Variants in NRTN observed in about 807,000 individuals in gnomAD.
NRTN encodes prepro-neurturin.
Under a neutral mutation model 7.5 loss-of-function variants are expected in NRTN, and 3 were observed. The ratio of observed to expected loss-of-function variants is 0.40; its 90% CI spans 0.18 to 1.03. The LOEUF is 1.03. NRTN is among the 50% of genes least tolerant of loss of function. The pLI, the probability that NRTN is intolerant of heterozygous loss-of-function variation, is 0.34. For synonymous variants in NRTN, 157 were observed against 146.6 expected, an observed-to-expected ratio of 1.07 and a Z score of -0.51; for missense variants, 310 against 307.0, an observed-to-expected ratio of 1.01 and a Z score of -0.07.
rs2056971092 is a variant in NRTN, at chr19:5,805,147, GC to G, written c.-702del. Among the ~76,000 whole-genome samples the G allele has an allele frequency of 6.8e-6, 1 of 146,528 alleles. No individual in the cohort carries two copies. Among genetic ancestry groups the G allele is most frequent in the Non-Finnish European group, 1.5e-5 (1 of 65,890 alleles). ...CCGCCGCCCCGGAGCCCCGTGCTGC[GC>G]GCCGAGGCCGCCTGCGCCGTCCGTG... On this transcript the variant is annotated 5_prime_UTR_variant, in exon 1 of 3. Coordinates refer to ENST00000303212, the MANE Select transcript of NRTN (RefSeq NM_004558.5).
At chr19:5,822,743 G>C (rs1219732427) in intron 1 of NRTN, among the ~76,000 whole-genome samples, 1 of 152,228 alleles carries the variant, frequency 6.6e-6, no homozygotes, top group African/African-American at 2.4e-5. Context: ...ACTCACGCCT[G>C]TAATCCCAGC....
rs187272242 is a variant in NRTN, at chr19:5,806,730, T to C, written c.-399+1279T>C. On this transcript the variant is annotated intron_variant, in intron 1 of 2. Coordinates refer to ENST00000303212, the MANE Select transcript of NRTN (RefSeq NM_004558.5). This position sits in a 1 kb window ranked among gnomAD's most constrained non-coding sequence, Gnocchi z 5.4. ...TCTTCCAGGGGTGCAGGGAAGAAAA[T>C]AAAACATTCCCCTCTTCAGCTGGGT... is the stretch of plus-strand genomic sequence containing the variant. Among the ~76,000 whole-genome samples, 106 of 152,026 alleles carry C rather than the reference T, an allele frequency of 7.0e-4. No homozygotes were observed. The highest frequency in any genetic ancestry group is 1.4e-3 in the Non-Finnish European group (95 of 67,992).
rs59337126 is a variant in NRTN at position 5,818,900 on chromosome 19, G to A, written c.-398-4868G>A. On this transcript the variant is annotated intron_variant, in intron 1 of 2. Coordinates refer to ENST00000303212, the MANE Select transcript of NRTN (RefSeq NM_004558.5). Reference sequence around the variant, plus strand: ...TCCGCCAATGGCCCCCCGATTTCCTGCCCTCCACCAGAGCTCTAGGTGGGG... The same window carrying A: ...TCCGCCAATGGCCCCCCGATTTCCTACCCTCCACCAGAGCTCTAGGTGGGG... 3.8e-3 allele frequency among the ~76,000 whole-genome samples: 576 copies of A among 152,064 alleles called. 3 individuals are homozygous for A. The highest frequency in any genetic ancestry group is 0.013 in the African/African-American group (548 of 41,468).
chr19:5,811,260 T>C (rs1218805930), intron 1 of NRTN, among the ~76,000 whole-genome samples: 1 of 152,060 alleles, frequency 6.6e-6, no homozygotes, highest in Non-Finnish European at 1.5e-5. Context: ...TTTGCAGCCA[T>C]TGATTGGATA....
intron 1 of NRTN, among the ~76,000 whole-genome samples, chr19:5,807,157 A>C (rs2056977226): frequency 6.6e-6 from 1 of 152,196 alleles, no homozygotes. Context: ...GTGGCTGTGC[A>C]TGCAAAGATC....
intron 1 of NRTN, among the ~76,000 whole-genome samples, 138 bp downstream of exon 1, chr19:5,805,589 G>A (rs1292720144): frequency 6.6e-6 from 1 of 151,942 alleles, no homozygotes; most frequent in African/African-American, 2.4e-5. Flanking sequence ...ACCAGCGGGT[G>A]TATGAGGGTG....
At chr19:5,810,279 A>G (rs1197900846) in intron 1 of NRTN, among the ~76,000 whole-genome samples, 1 of 151,352 alleles carries the variant, frequency 6.6e-6, no homozygotes, top group African/African-American at 2.4e-5. Flanking sequence ...AAAAAAAAAA[A>G]AAAAATTTTT....
chr19:5,815,004 G>C (rs2057000571), intron 1 of NRTN, among the ~76,000 whole-genome samples: 1 of 152,240 alleles, frequency 6.6e-6, no homozygotes, highest in South Asian at 2.1e-4. Context: ...TGCAGGGGTG[G>C]ACACGGGCAG....
intron 1 of NRTN, among the ~76,000 whole-genome samples, chr19:5,808,684 C>T (rs1042532398): frequency 2.4e-4 from 36 of 152,134 alleles, no homozygotes; most frequent in East Asian, 9.6e-4. Flanking sequence ...CGAACAGGCA[C>T]GGTCCTGCCT....
intron 1 of NRTN, among the ~76,000 whole-genome samples, chr19:5,808,111 G>A (rs1391183587): frequency 1.3e-5 from 2 of 152,128 alleles, no homozygotes; most frequent in Non-Finnish European, 2.9e-5. Flanking sequence ...TGATTGAGCT[G>A]ACCTGTTTCC....
At chr19:5,824,497 G>C (rs890701708) in intron 2 of NRTN, among the ~76,000 whole-genome samples, 163 bp downstream of exon 2, 14 of 152,198 alleles carry the variant, frequency 9.2e-5, no homozygotes, top group Non-Finnish European at 1.8e-4. Context: ...AGATTATTCA[G>C]GGCAAGGCAT....
chr19:5,824,158 G>A lies in NRTN; in HGVS notation c.-8G>A, dbSNP rs534994917. 28 of 1,606,084 alleles carry A rather than the reference G, an allele frequency of 1.7e-5. No homozygotes were observed. The highest frequency in any genetic ancestry group is 2.7e-5 in the African/African-American group (2 of 75,026). Reference sequence around the variant, plus strand: ...TGCGGCTGACCATCCCGTGCCCGCAGGCTGAGGATGCAGCGCTGGAAGGCG... The same window carrying A: ...TGCGGCTGACCATCCCGTGCCCGCAAGCTGAGGATGCAGCGCTGGAAGGCG... On this transcript the variant is annotated 5_prime_UTR_variant, in exon 2 of 3. Coordinates refer to ENST00000303212, the MANE Select transcript of NRTN (RefSeq NM_004558.5).
intron 1 of NRTN, among the ~76,000 whole-genome samples, chr19:5,822,242 G>A (rs1048988436): frequency 4.7e-5 from 3 of 64,470 alleles, no homozygotes; most frequent in Non-Finnish European, 6.5e-5. Flanking sequence ...GGTGGTGCAG[G>A]GCAGCGTGCA....
In NRTN at chr19:5,818,265, A is replaced by G. The variant is rs534624438; in HGVS notation, c.-398-5503A>G. On this transcript the variant is annotated intron_variant, in intron 1 of 2. Coordinates refer to ENST00000303212, the MANE Select transcript of NRTN (RefSeq NM_004558.5). Reference sequence around the variant, plus strand: ...AGGTGTGAGCCACTGCACCCAGCCAAATGTGGGAGCGTTTGAGCACGCAAG... The same window carrying G: ...AGGTGTGAGCCACTGCACCCAGCCAGATGTGGGAGCGTTTGAGCACGCAAG... Among the ~76,000 whole-genome samples the G allele has an allele frequency of 7.9e-5, 12 of 152,224 alleles. No individual in the cohort carries two copies. In the East Asian group the frequency reaches 1.5e-3, roughly 20 times the overall value.
In NRTN at chr19:5,824,274, C is replaced by T. The variant is rs1189677539; in HGVS notation, c.109C>T (p.Leu37=). 5 of 1,610,412 alleles carry T rather than the reference C, an allele frequency of 3.1e-6. No homozygotes were observed. The highest frequency in any genetic ancestry group is 4.2e-6 in the Non-Finnish European group (5 of 1,179,302). Residue 37 remains leucine (L), a synonymous_variant, in exon 2 of 3, where the codon CTG becomes TTG. Transcript: ENST00000303212. ...TCTCAGCCACCGCCTCGGACCTGCG[C>T]TGGTCCCCCTGCACCGCCTGCCTCG... ...LLLSHRLGPA[L]VPLHRLPRTL... is the part of the protein sequence containing the mutation.
At chr19:5,826,302 G>T (rs1423374645) in intron 2 of NRTN, among the ~76,000 whole-genome samples, 1 of 152,074 alleles carries the variant, frequency 6.6e-6, no homozygotes, top group African/African-American at 2.4e-5. Flanking sequence ...CTGCTCCGGG[G>T]CTTAAAGAAC....
intron 1 of NRTN, among the ~76,000 whole-genome samples, chr19:5,820,552 G>A (rs1271907017): frequency 2.5e-5 from 3 of 120,386 alleles, no homozygotes; most frequent in African/African-American, 6.8e-5. Flanking sequence ...GCGACAGAGT[G>A]AGACTCCGTC....
intron 1 of NRTN, among the ~76,000 whole-genome samples, chr19:5,823,001 G>T (rs933720608): frequency 4.0e-5 from 6 of 151,152 alleles, no homozygotes; most frequent in Non-Finnish European, 5.9e-5. Flanking sequence ...TCCAGCCTGG[G>T]TGACAGAGCA....
intron 2 of NRTN, among the ~76,000 whole-genome samples, chr19:5,826,983 G>T (rs2057048831): frequency 6.6e-6 from 1 of 152,160 alleles, no homozygotes; most frequent in Non-Finnish European, 1.5e-5. Context: ...GTCACATGGG[G>T]GTGGCCTTGA....
Sources: gnomAD v4.1 joint callset for allele counts (sites outside exome capture counted in the v4.1 genomes callset) on GRCh38, gnomAD v4.1.1 for gene constraint, Gnocchi (gnomAD v3.1) non-coding constraint, MANE v1.5 for transcripts, NCBI Gene and HGNC (gene_info 2026-07-23, HGNC 2026-07-21) for gene names.